Variants in NCKAP5 observed in about 807,000 individuals in gnomAD.
NCKAP5 encodes the protein nck-associated protein 5.
In NCKAP5, 92 loss-of-function variants were observed where a neutral mutation model predicts 167.0. That is an observed-to-expected ratio of 0.55 (90% CI 0.47 to 0.66). The LOEUF is 0.66. Ranked by LOEUF, NCKAP5 falls within the 30% of genes least tolerant of loss-of-function variation. NCKAP5 has a pLI of 0.00. For missense variants in NCKAP5, 2,378 were observed against 2,315.0 expected, an observed-to-expected ratio of 1.03 and a Z score of -0.56; for synonymous variants, 891 against 877.4, an observed-to-expected ratio of 1.02 and a Z score of -0.27.
intron 8 of NCKAP5, among the ~76,000 whole-genome samples, chr2:132,933,202 C>T (rs942462195): frequency 5.9e-5 from 9 of 152,018 alleles, no homozygotes; most frequent in Admixed American, 3.9e-4. Context: ...TGGGATTATC[C>T]TCTACTTCTA....
intron 4 of NCKAP5, among the ~76,000 whole-genome samples, chr2:133,281,239 T>G (rs924915515): frequency 5.9e-5 from 9 of 152,224 alleles, no homozygotes; most frequent in African/African-American, 2.2e-4. Context: ...GTGCTCCTAA[T>G]GAATGGATAT....
At chr2:133,186,419 T>G (rs2084949167) in intron 5 of NCKAP5, among the ~76,000 whole-genome samples, 1 of 152,120 alleles carries the variant, frequency 6.6e-6, no homozygotes, top group African/African-American at 2.4e-5. Flanking sequence ...CGGTTTTCTG[T>G]TTTCACTGTG....
chr2:133,467,878 G>C (rs1395439633), intron 3 of NCKAP5, among the ~76,000 whole-genome samples: 7 of 133,716 alleles, frequency 5.2e-5, no homozygotes, highest in Admixed American at 1.5e-4. Flanking sequence ...ATTTTTTATT[G>C]TGTCTATTTG....
intron 8 of NCKAP5, among the ~76,000 whole-genome samples, chr2:132,940,243 T>C (rs1050804381): frequency 6.6e-6 from 1 of 152,168 alleles, no homozygotes; most frequent in Non-Finnish European, 1.5e-5. Flanking sequence ...CCTATTTTTA[T>C]TCACTATGCA....
chr2:133,512,960 T>C (rs73003146), intron 3 of NCKAP5, among the ~76,000 whole-genome samples: 18,261 of 152,098 alleles, frequency 0.12, 2,065 homozygotes, highest in African/African-American at 0.29. Context: ...CACAGTTCAT[T>C]TCCATGTGAT....
chr2:133,043,829 G>A (rs1573847825), intron 6 of NCKAP5, among the ~76,000 whole-genome samples: 1 of 150,032 alleles, frequency 6.7e-6, no homozygotes, highest in East Asian at 2.0e-4. Flanking sequence ...ACTGTTTCCA[G>A]TTCAATGCTG....
intron 16 of NCKAP5, among the ~76,000 whole-genome samples, chr2:132,756,191 C>A (rs1379543318): frequency 6.6e-6 from 1 of 152,108 alleles, no homozygotes; most frequent in Non-Finnish European, 1.5e-5. Flanking sequence ...GGTAACATTA[C>A]CAACAAGGTC....
intron 9 of NCKAP5, among the ~76,000 whole-genome samples, 168 bp downstream of exon 9, chr2:132,878,680 C>A (rs1691510528): frequency 1.3e-5 from 2 of 151,358 alleles, no homozygotes; most frequent in Middle Eastern, 3.4e-3. Context: ...ACACACACCG[C>A]CCACACACAC....
chr2:133,467,229 A>G (rs2151262636), intron 3 of NCKAP5, among the ~76,000 whole-genome samples: 1 of 150,578 alleles, frequency 6.6e-6, no homozygotes, highest in Non-Finnish European at 1.5e-5. Context: ...AGGGTTGTTG[A>G]ATTTTGTCAA....
intron 6 of NCKAP5, chr2:133,123,856 A>G: frequency 2.1e-6 from 1 of 470,216 alleles, no homozygotes; most frequent in South Asian, 1.6e-5. Context: ...AGAAGGGAGT[A>G]CATGGGTAGA....
chr2:133,191,562 T>C (rs1207201066), intron 5 of NCKAP5, among the ~76,000 whole-genome samples: 16 of 152,170 alleles, frequency 1.1e-4, no homozygotes, highest in Admixed American at 9.8e-4. Flanking sequence ...ATGTGGCACA[T>C]ATACACCATG....
At chr2:133,613,836 C>A in the NCKAP5 span, among the ~76,000 whole-genome samples, 1 of 152,196 alleles carries the variant, frequency 6.6e-6, no homozygotes, top group Non-Finnish European at 1.5e-5. Context: ...AGCTGTAATG[C>A]AAGAGTTGCT....
At chr2:132,789,954 C>A in intron 13 of NCKAP5, 69 bp downstream of exon 13, 3 of 1,474,736 alleles carry the variant, frequency 2.0e-6, no homozygotes, top group Non-Finnish European at 2.7e-6. Flanking sequence ...ACCTGCCCTT[C>A]ATCTCCATGA....
chr2:133,292,160 T>C (rs1679643446), intron 4 of NCKAP5, among the ~76,000 whole-genome samples: 1 of 152,144 alleles, frequency 6.6e-6, no homozygotes, highest in Non-Finnish European at 1.5e-5. Context: ...TGGAGAGAGA[T>C]ACAGGGTTAT....
At chr2:133,445,140 C>T (rs1253809283) in intron 3 of NCKAP5, among the ~76,000 whole-genome samples, 1 of 151,954 alleles carries the variant, frequency 6.6e-6, no homozygotes, top group Admixed American at 6.6e-5. Flanking sequence ...ATTTAACTTT[C>T]TCATGTTTTA....
chr2:133,628,214 T>C, the NCKAP5 span, among the ~76,000 whole-genome samples: 2 of 152,158 alleles, frequency 1.3e-5, no homozygotes, highest in African/African-American at 4.8e-5. Flanking sequence ...TCTCTGTTTG[T>C]AGATGACATG....
chr2:132,741,110 T>G (rs1048924044), intron 16 of NCKAP5, among the ~76,000 whole-genome samples: 1 of 152,106 alleles, frequency 6.6e-6, no homozygotes, highest in African/African-American at 2.4e-5. Context: ...TATTTTCATA[T>G]ACAGCTGTTA....
At chr2:133,522,019 C>A (rs1241192728) in intron 2 of NCKAP5, among the ~76,000 whole-genome samples, 1 of 152,172 alleles carries the variant, frequency 6.6e-6, no homozygotes, top group African/African-American at 2.4e-5. Flanking sequence ...CCCTGCTGTA[C>A]TCTTCTCTGT....
At chr2:133,583,803 G>T in the NCKAP5 span, among the ~76,000 whole-genome samples, 47,631 of 151,998 alleles carry the variant, frequency 0.31, 7,936 homozygotes, top group South Asian at 0.42. Context: ...GCCCAGGCTG[G>T]AATGTAGTGG....
Sources: allele counts gnomAD v4.1 joint callset (sites outside exome capture counted in the v4.1 genomes callset), GRCh38; gene constraint gnomAD v4.1.1; transcripts MANE v1.5; gene names NCBI Gene and HGNC (gene_info 2026-07-23, HGNC 2026-07-21).